The following BZW2 variants were observed in gnomAD, a reference collection of about 807,000 sequenced individuals.
BZW2 encodes the protein basic leucine zipper and W2 domains 2, also known as eIF5-mimic protein 1.
BZW2 carries 23 observed loss-of-function variants against 53.2 expected under a neutral mutation model. That is an observed-to-expected ratio of 0.43 (90% CI 0.31 to 0.61). BZW2 has a LOEUF of 0.61. BZW2 is among the 20% of genes least tolerant of loss of function. The probability of loss-of-function intolerance (pLI) is 0.09; values close to 1 mark genes in which losing one functional copy is unlikely to be tolerated. For missense variants in BZW2, 409 were observed against 503.1 expected (o/e 0.81, Z 1.79); for synonymous variants, 227 against 186.4 (o/e 1.22, Z -1.77).
intron 6 of BZW2, chr7:16,687,337 A>G (rs761118312): frequency 2.0e-5 from 3 of 152,220 alleles, no homozygotes; most frequent in Non-Finnish European, 4.4e-5. Flanking sequence ...TGGAAGTAAC[A>G]TAGTACCTCT....
At chr7:16,692,238 C>T (rs1229088345) in intron 7 of BZW2, among the ~76,000 whole-genome samples, 2 of 142,230 alleles carry the variant, frequency 1.4e-5, no homozygotes, top group African/African-American at 2.9e-5. Flanking sequence ...GAGAAGCCAA[C>T]CCTTATTACT....
At chr7:16,682,454 C>T (rs942313916) in intron 4 of BZW2, among the ~76,000 whole-genome samples, 1 of 152,184 alleles carries the variant, frequency 6.6e-6, no homozygotes, top group Non-Finnish European at 1.5e-5. Flanking sequence ...GTGGTTATAT[C>T]TTTAACACCT....
intron 1 of BZW2, among the ~76,000 whole-genome samples, chr7:16,649,411 G>A (rs1177568847): frequency 2.0e-5 from 3 of 152,152 alleles, no homozygotes; most frequent in African/African-American, 7.2e-5. Context: ...CATAACCAGA[G>A]GCAGAAAGTC....
intron 1 of BZW2, among the ~76,000 whole-genome samples, chr7:16,652,645 C>G (rs1782015150): frequency 1.3e-5 from 2 of 152,114 alleles, no homozygotes; most frequent in Admixed American, 1.3e-4. Flanking sequence ...CTGCCTCAGC[C>G]TACCGAGTAG....
intron 2 of BZW2, among the ~76,000 whole-genome samples, chr7:16,669,786 C>CTCTTGAGTA (rs983397125): frequency 2.0e-5 from 3 of 152,164 alleles, no homozygotes; most frequent in African/African-American, 4.8e-5. Context: ...TGATGACTAA[C>CTCTTGAGTA]TCTTGAGTAT....
intron 10 of BZW2, among the ~76,000 whole-genome samples, chr7:16,703,063 C>T (rs1583758951): frequency 6.6e-6 from 1 of 152,244 alleles, no homozygotes; most frequent in African/African-American, 2.4e-5. Flanking sequence ...AATAACAGGT[C>T]ACTTCCTCGG....
At chr7:16,686,231 T>C (rs1423727901) in intron 6 of BZW2, 191 bp downstream of exon 6, 1 of 868,884 alleles carries the variant, frequency 1.2e-6, no homozygotes, top group Non-Finnish European at 1.7e-6. Flanking sequence ...GTAGGAAGTT[T>C]GAAGGAAAAA....
intron 2 of BZW2, among the ~76,000 whole-genome samples, chr7:16,670,242 A>G (rs751816749): frequency 3.9e-5 from 6 of 152,182 alleles, no homozygotes; most frequent in Non-Finnish European, 4.4e-5. Flanking sequence ...GTAGTATGCT[A>G]TCTTCCTTTT....
chr7:16,694,711 A>T (rs1783424632), intron 7 of BZW2, 123 bp from the exon 8 acceptor site: 3 of 816,312 alleles, frequency 3.7e-6, no homozygotes, highest in Non-Finnish European at 5.3e-6. Context: ...GTTGTTTTGT[A>T]AAACAGTCTT....
At chr7:16,704,317 A>T (rs534475239) in intron 10 of BZW2, among the ~76,000 whole-genome samples, 25 of 152,232 alleles carry the variant, frequency 1.6e-4, no homozygotes, top group Non-Finnish European at 3.4e-4. Flanking sequence ...GGCTTGCATT[A>T]TATCATGCCT....
At chr7:16,646,959 G>A (rs897327771) in intron 1 of BZW2, among the ~76,000 whole-genome samples, 3 of 152,182 alleles carry the variant, frequency 2.0e-5, no homozygotes, top group African/African-American at 7.2e-5. Flanking sequence ...TATGGAAATA[G>A]GGAGTGGAGG....
chr7:16,646,882 G>C (rs931625161), intron 1 of BZW2, among the ~76,000 whole-genome samples: 1 of 152,170 alleles, frequency 6.6e-6, no homozygotes. Flanking sequence ...CCTGTGGGAG[G>C]GGGAAGGAAG....
At chr7:16,653,344 G>C (rs566812998) in intron 1 of BZW2, among the ~76,000 whole-genome samples, 3 of 152,006 alleles carry the variant, frequency 2.0e-5, no homozygotes, top group Non-Finnish European at 4.4e-5. Context: ...TCTGAAGAGA[G>C]GCAAACACTT....
intron 1 of BZW2, among the ~76,000 whole-genome samples, chr7:16,648,652 G>C (rs1562472426): frequency 6.6e-6 from 1 of 152,124 alleles, no homozygotes; most frequent in Non-Finnish European, 1.5e-5. Context: ...GGCCTGGAAG[G>C]TTCCAATCCA....
rs934447527 is a variant in BZW2, at chr7:16,682,761, A to G, written c.340-19A>G. 1.3e-6 allele frequency: 2 copies of G among 1,511,448 alleles called. No homozygotes were observed. The highest frequency in any genetic ancestry group is 3.1e-5 in the African/African-American group (2 of 64,138). The allele number at this position is 1,511,448 out of a possible 1,614,324, so 93.6% of individuals were successfully genotyped here. A position where few individuals can be genotyped will look rare whatever the true frequency, so the allele number is the denominator to read the frequency against. On this transcript the variant is annotated intron_variant, in intron 4 of 11. Transcript: ENST00000258761. ...GTCTTTTTGGTTGACCTAATATTTA[A>G]TGGTTGTTTTTTTTTTAGGTCTTCA... is the stretch of plus-strand genomic sequence containing the variant.
At chr7:16,657,745 T>C (rs1231594829) in intron 1 of BZW2, among the ~76,000 whole-genome samples, 1 of 152,150 alleles carries the variant, frequency 6.6e-6, no homozygotes, top group African/African-American at 2.4e-5. Context: ...CAATAAAATA[T>C]GTGCTTAGTT....
At chr7:16,678,274 C>G (rs534488629) in intron 3 of BZW2, among the ~76,000 whole-genome samples, 2 of 151,682 alleles carry the variant, frequency 1.3e-5, no homozygotes, top group South Asian at 4.2e-4. Flanking sequence ...CTAGGCTGGT[C>G]TCGAACTCCT....
intron 1 of BZW2, among the ~76,000 whole-genome samples, chr7:16,654,445 A>G (rs1322374400): frequency 6.6e-6 from 1 of 151,630 alleles, no homozygotes; most frequent in East Asian, 1.9e-4. Context: ...TCATTTTTAA[A>G]TTGTATTTTA....
rs180755011 is a variant in BZW2, at chr7:16,681,715, C to A, written c.339+311C>A. Among the ~76,000 whole-genome samples, 373 of 152,146 alleles carry A rather than the reference C, an allele frequency of 2.5e-3. 2 individuals are homozygous for A. The highest frequency in any genetic ancestry group is 8.5e-3 in the African/African-American group (352 of 41,500). On this transcript the variant is annotated intron_variant, in intron 4 of 11. Transcript: ENST00000258761. ...GGTGTGGTGGTGGGTGCCTGTAATCCCAGCTACTTGGGAGGCTGAGGCAGG... is the reference window on the plus strand; with the variant it reads ...GGTGTGGTGGTGGGTGCCTGTAATCACAGCTACTTGGGAGGCTGAGGCAGG...
Sources: gnomAD v4.1 joint callset for allele counts (sites outside exome capture counted in the v4.1 genomes callset) on GRCh38, gnomAD v4.1.1 for gene constraint, MANE v1.5 for transcripts, NCBI Gene and HGNC (gene_info 2026-07-23, HGNC 2026-07-21) for gene names.